The following OR10D3 variants were observed in gnomAD, a reference collection of about 807,000 sequenced individuals.
OR10D3 encodes olfactory receptor family 10 subfamily D member 3, also known as olfactory receptor 10D3.
For synonymous variants in OR10D3, 100 were observed against 57.6 expected (o/e 1.74, Z -3.33); for missense variants, 286 against 153.7 (o/e 1.86, Z -4.55).
In OR10D3 at chr11:124,185,524, T is replaced by G. The variant is rs1861211295; in HGVS notation, c.255T>G (p.Leu85=). The G allele has an allele frequency of 1.6e-5, 11 of 703,358 alleles. No individual in the cohort carries two copies. In the East Asian group the frequency reaches 3.0e-4, roughly 19 times the overall value. The allele number at this position is 703,358 out of a possible 1,614,324, so 43.6% of individuals were successfully genotyped here. ...CTTGTCCCAAAATGCTGCTCTACCT[T>G]ATGGGGCTGAGCCGACTCATCTCCT... Residue 85 remains leucine (L), a synonymous_variant, in exon 2 of 2, where the codon CTT becomes CTG. Coordinates refer to ENST00000641351, the Ensembl canonical transcript of OR10D3.
intron 1 of OR10D3, 168 bp from the exon 2 acceptor site, chr11:124,185,091 A>T: frequency 1.7e-6 from 1 of 573,844 alleles, no homozygotes; most frequent in Non-Finnish European, 3.1e-6. Flanking sequence ...TATGGCGGTT[A>T]CATTCCAAGG....
exon 2 of OR10D3, chr11:124,185,634 G>A (rs932020093): frequency 2.6e-5 from 18 of 703,412 alleles, no homozygotes; most frequent in East Asian, 5.4e-5. Flanking sequence ...GCCTATGACC[G>A]CTTCACTGCC....
exon 2 of OR10D3, chr11:124,186,014 C>G: frequency 1.4e-6 from 1 of 703,506 alleles, no homozygotes; most frequent in Non-Finnish European, 2.6e-6. Flanking sequence ...CATTGCCATC[C>G]TCTGTGCCTA....
chr11:124,185,615 A>T (rs1321798346), exon 2 of OR10D3: 8 of 703,358 alleles, frequency 1.1e-5, no homozygotes, highest in South Asian at 8.9e-5. Context: ...CTTCTTGTTT[A>T]CGGTGATGGC....
intron 1 of OR10D3, among the ~76,000 whole-genome samples, chr11:124,183,790 C>T (rs1861190077): frequency 6.6e-6 from 1 of 152,054 alleles, no homozygotes; most frequent in Admixed American, 6.6e-5. Context: ...AAAGTATTCT[C>T]AGAATTCAGA....
At chr11:124,185,221 C>T (rs1306814086) in intron 1 of OR10D3, 38 bp from the exon 2 acceptor site, 3 of 656,688 alleles carry the variant, frequency 4.6e-6, no homozygotes, top group Non-Finnish European at 2.7e-6. Context: ...CAAGCCAAGG[C>T]ATTCTTCCAT....
exon 2 of OR10D3, chr11:124,186,500 A>ATTTTTTT (rs57201296): frequency 2.7e-4 from 41 of 150,394 alleles, no homozygotes; most frequent in Middle Eastern, 2.7e-3. Flanking sequence ...CCATCCTGCC[A>ATTTTTTT]TTTTTTTTTT....
exon 2 of OR10D3, chr11:124,185,856 A>C (rs1307211347): frequency 1.4e-6 from 1 of 703,518 alleles, no homozygotes; most frequent in Admixed American, 2.0e-5. Flanking sequence ...TCCTTAGCCC[A>C]GAGGGTGAGC....
At chr11:124,184,577 G>C (rs1004776903) in intron 1 of OR10D3, among the ~76,000 whole-genome samples, 1 of 151,820 alleles carries the variant, frequency 6.6e-6, no homozygotes, top group African/African-American at 2.4e-5. Context: ...ATCCAGACCC[G>C]GGGGAAAGAC....
exon 2 of OR10D3, chr11:124,186,082 G>A (rs762845825): frequency 1.4e-6 from 1 of 703,198 alleles, no homozygotes; most frequent in South Asian, 1.5e-5. Flanking sequence ...TGGGAACCGT[G>A]GTACAAATTC....
exon 2 of OR10D3, chr11:124,186,500 A>AT (rs57201296): frequency 0.042 from 6,309 of 150,226 alleles, 217 homozygotes; most frequent in African/African-American, 0.095. Flanking sequence ...CCATCCTGCC[A>AT]TTTTTTTTTT....
chr11:124,183,424 TTCTTTCTCTCTC>T (rs71038469), intron 1 of OR10D3, 41 bp downstream of exon 1: 8,684 of 132,338 alleles, frequency 0.066, 834 homozygotes, highest in African/African-American at 0.21. Context: ...TTCTCTCTCT[TTCTTTCTCTCTC>T]TCTTTCTCTC....
At position 124,185,469 on chromosome 11, in the gene OR10D3, CTG is replaced by C. The variant is rs1346436764; in HGVS notation, c.204_205del (p.Phe69Ter). 1.4e-6 allele frequency: 1 copy of C among 702,980 alleles called. No individual in the cohort carries two copies. Among genetic ancestry groups the C allele is most frequent in the Non-Finnish European group, 2.6e-6 (1 of 385,038 alleles). 43.5% of individuals were successfully genotyped at this position (702,980 alleles called of 1,614,324 possible). ...ATGTATTTCTTCCTGGGAAACTTGT[CTG>C]TGTTTGACATGGGTTTCTCCTCAGT... On this transcript the variant is annotated frameshift_variant, in exon 2 of 2. Transcript: ENST00000641351. LOFTEE classifies it low-confidence loss of function (END_TRUNC).
At chr11:124,187,187 T>C (rs1861236178) in exon 2 of OR10D3, 1 of 152,226 alleles carries the variant, frequency 6.6e-6, no homozygotes, top group Admixed American at 6.5e-5. Context: ...TGTTTCTGCC[T>C]TTTCTTTAAC....
At chr11:124,184,803 A>G (rs1488590976) in intron 1 of OR10D3, among the ~76,000 whole-genome samples, 1 of 152,216 alleles carries the variant, frequency 6.6e-6, no homozygotes, top group African/African-American at 2.4e-5. Context: ...GATTCCCTTA[A>G]AAAACGTAGA....
In OR10D3 at chr11:124,183,621, G is replaced by C. The variant is rs543866640; in HGVS notation, c.-12+238G>C. Among the ~76,000 whole-genome samples, 7 of 128,638 alleles carry C rather than the reference G, an allele frequency of 5.4e-5. No homozygotes were observed. The South Asian group carries it at 8.3e-4, about 15-fold the overall frequency. 84.4% of individuals were successfully genotyped at this position (128,638 alleles called of 152,430 possible). A position where few individuals can be genotyped will look rare whatever the true frequency, so the allele number is the denominator to read the frequency against. ...TGGCCAGGCTGAAGTGCAGTGGCAC[G>C]ATCTCAGCTCACTGCAACCTCCACC... On this transcript the variant is annotated intron_variant, in intron 1 of 1. Transcript: ENST00000641351.
chr11:124,183,393 A>C lies in OR10D3; in HGVS notation c.-12+10A>C, dbSNP rs950020775. The C allele has an allele frequency of 3.9e-5, 6 of 152,158 alleles. No homozygotes were observed. Among genetic ancestry groups the C allele is most frequent in the African/African-American group, 1.4e-4 (6 of 41,446 alleles). The allele number at this position is 152,158 out of a possible 1,614,324, so 9.4% of individuals were successfully genotyped here. ...ATCATACTTTCTCTTTGTAAGTTAC[A>C]TAAGTGCCATCTTTGCCTCTTTCTC... is the stretch of plus-strand genomic sequence containing the variant. On this transcript the variant is annotated intron_variant, in intron 1 of 1. Transcript: ENST00000641351.
chr11:124,183,430 CTCTCTCTCTTTCTCTCTCTCTT>C (rs1261401648), intron 1 of OR10D3, 47 bp downstream of exon 1: 36 of 123,932 alleles, frequency 2.9e-4, no homozygotes, highest in African/African-American at 1.5e-3. Context: ...CTCTTTCTTT[CTCTCTCTCTTTCTCTCTCTCTT>C]TCTCTCTCTT....
exon 2 of OR10D3, chr11:124,186,116 C>T (rs1421887907): frequency 1.4e-6 from 1 of 703,138 alleles, no homozygotes; most frequent in Middle Eastern, 2.3e-4. Context: ...AGGACCAATG[C>T]TGAACCCTTT....
Sources: allele counts gnomAD v4.1 joint callset (sites outside exome capture counted in the v4.1 genomes callset), GRCh38; gene constraint gnomAD v4.1.1; transcripts MANE v1.5; gene names NCBI Gene and HGNC (gene_info 2026-07-23, HGNC 2026-07-21).